FMN1: variants seen among roughly 807,000 people sequenced by gnomAD.
FMN1 encodes the protein formin 1.
A neutral mutation model predicts 132.4 loss-of-function variants in FMN1; 110 were observed. The ratio of observed to expected loss-of-function variants is 0.83; its 90% CI spans 0.71 to 0.97. The LOEUF (loss-of-function observed/expected upper bound fraction) is 0.97. Ranked by LOEUF, FMN1 falls within the 50% of genes least tolerant of loss-of-function variation. The pLI is 0.00. For missense variants in FMN1, 1,792 were observed against 1,705.3 expected (o/e 1.05, Z -0.90); for synonymous variants, 722 against 651.7 (o/e 1.11, Z -1.64).
intron 4 of FMN1, among the ~76,000 whole-genome samples, chr15:33,125,983 G>C (rs1454705797): frequency 6.7e-6 from 1 of 150,022 alleles, no homozygotes; most frequent in South Asian, 2.1e-4. Flanking sequence ...CACTAAGTTA[G>C]GAAAGTGGCT....
chr15:32,886,630 A>G (rs1022420494), intron 16 of FMN1, among the ~76,000 whole-genome samples: 1 of 152,178 alleles, frequency 6.6e-6, no homozygotes, highest in Non-Finnish European at 1.5e-5. Flanking sequence ...AAGATCAAAC[A>G]GGGATCAGGT....
At chr15:32,824,192 T>C (rs1189834995) in intron 17 of FMN1, among the ~76,000 whole-genome samples, 8 of 152,176 alleles carry the variant, frequency 5.3e-5, no homozygotes, top group Admixed American at 5.2e-4. Flanking sequence ...TCATGTTATT[T>C]AATAACTGTG....
intron 9 of FMN1, among the ~76,000 whole-genome samples, chr15:32,953,530 C>G (rs1425400654): frequency 1.3e-5 from 2 of 152,160 alleles, no homozygotes; most frequent in African/African-American, 4.8e-5. Flanking sequence ...GGAGGGAAAT[C>G]AGGTCAGGTC....
rs547205701 is a variant in FMN1 at position 32,820,017 on chromosome 15, G to A, written c.3929-15685C>T. On this transcript the variant is annotated intron_variant, in intron 17 of 20. Coordinates refer to ENST00000616417, the MANE Select transcript of FMN1 (RefSeq NM_001277313.2). Reference sequence around the variant, plus strand: ...GAATAATAAGTCCAGCTACATCAGTGTTAAACAAAATAATTACAGATATTT... The same window carrying A: ...GAATAATAAGTCCAGCTACATCAGTATTAAACAAAATAATTACAGATATTT... Among the ~76,000 whole-genome samples the A allele has an allele frequency of 2.6e-5, 4 of 152,274 alleles. No individual in the cohort carries two copies. The East Asian group carries it at 7.7e-4, about 29-fold the overall frequency.
Position 33,154,120 on chromosome 15 carries a change from T to C in FMN1, c.795A>G (p.Glu265=), listed in dbSNP as rs1002208474. ...TAFKDTGLGR[E]VLPPDCSSTE... Reference sequence around the variant, plus strand: ...TGGAGCTGCAGTCAGGGGGCAGCACTTCTCTTCCAAGCCCAGTGTCCTTGA... The same window carrying C: ...TGGAGCTGCAGTCAGGGGGCAGCACCTCTCTTCCAAGCCCAGTGTCCTTGA... The change falls in exon 4 of 21, where the codon GAA becomes GAG. Residue 265 remains glutamate, a synonymous_variant. Transcript: ENST00000616417. 4 of 1,536,256 alleles carry C rather than the reference T, an allele frequency of 2.6e-6. No homozygotes were observed. The East Asian group carries it at 9.8e-5, about 38-fold the overall frequency.
chr15:32,933,679 G>C (rs758587474), intron 9 of FMN1, among the ~76,000 whole-genome samples: 1 of 152,008 alleles, frequency 6.6e-6, no homozygotes, highest in African/African-American at 2.4e-5. Context: ...ATATCTTCCT[G>C]GTGAATTGAC....
At position 33,052,641 on chromosome 15, in the gene FMN1, C is replaced by T. The variant is rs74747332; in HGVS notation, c.2161+12316G>A. ...CACAATGATAGTGACAGGAGGCAGC[C>T]AAATACCTAGGCAGATAAGGGTGGA... On this transcript the variant is annotated intron_variant, in intron 6 of 20. Transcript: ENST00000616417. Among the ~76,000 whole-genome samples the T allele has an allele frequency of 7.2e-3, 1,096 of 152,214 alleles. 9 individuals are homozygous for T. The highest frequency in any genetic ancestry group is 0.025 in the African/African-American group (1,018 of 41,538).
At chr15:32,819,096 G>A (rs143994039) in intron 17 of FMN1, among the ~76,000 whole-genome samples, 113 of 152,276 alleles carry the variant, frequency 7.4e-4, no homozygotes, top group African/African-American at 2.6e-3. Flanking sequence ...GCGAAGGCAG[G>A]CAAGGCGAGC....
At chr15:33,093,020 A>G (rs1412841179) in intron 4 of FMN1, among the ~76,000 whole-genome samples, 1 of 152,230 alleles carries the variant, frequency 6.6e-6, no homozygotes, top group East Asian at 1.9e-4. Context: ...TACATATAAA[A>G]ATATACCAAT....
At chr15:33,162,977 T>C (rs1003939894) in intron 3 of FMN1, among the ~76,000 whole-genome samples, 9 of 152,072 alleles carry the variant, frequency 5.9e-5, no homozygotes, top group Admixed American at 5.9e-4. Context: ...ACTAGCTTGG[T>C]GTGGCTAATT....
chr15:33,067,700 C>G lies in FMN1; in HGVS notation c.2044-2626G>C, dbSNP rs374458166. On this transcript the variant is annotated intron_variant, in intron 5 of 20. Transcript: ENST00000616417. Reference sequence around the variant, plus strand: ...CTGAGATGTGGGATTCACGTCTAAACTATGGAATGCTTTCAGCACAGCATC... The same window carrying G: ...CTGAGATGTGGGATTCACGTCTAAAGTATGGAATGCTTTCAGCACAGCATC... 85 of 1,614,014 alleles carry G rather than the reference C, an allele frequency of 5.3e-5. No individual in the cohort carries two copies. In the African/African-American group the frequency reaches 1.1e-3, roughly 20 times the overall value.
intron 9 of FMN1, 114 bp downstream of exon 9, chr15:32,963,993 T>G (rs1158277556): frequency 6.5e-6 from 3 of 461,992 alleles, no homozygotes; most frequent in Non-Finnish European, 7.1e-6. Context: ...TATGTATAGG[T>G]ATGTGTGTGT....
intron 17 of FMN1, among the ~76,000 whole-genome samples, chr15:32,856,358 A>T (rs1296402752): frequency 6.6e-6 from 1 of 152,234 alleles, no homozygotes; most frequent in Non-Finnish European, 1.5e-5. Flanking sequence ...TCTAAAAGAC[A>T]TGATACTTCC....
intron 9 of FMN1, among the ~76,000 whole-genome samples, chr15:32,958,107 G>A (rs1283756258): frequency 6.6e-6 from 1 of 152,130 alleles, no homozygotes; most frequent in Non-Finnish European, 1.5e-5. Flanking sequence ...CCTTTTGCTG[G>A]AGTTACATAG....
rs145782895 is a variant in FMN1 at position 33,159,130 on chromosome 15, C to A, written c.-131-4085G>T. On this transcript the variant is annotated intron_variant, in intron 3 of 20. Transcript: ENST00000616417. Reference sequence around the variant, plus strand: ...CCAGGAGATCTAGGCTGCAGTGAGCCGAGATTGTGCCACTGCACTCCAGCG... The same window carrying A: ...CCAGGAGATCTAGGCTGCAGTGAGCAGAGATTGTGCCACTGCACTCCAGCG... 9.1e-3 allele frequency among the ~76,000 whole-genome samples: 1,381 copies of A among 152,110 alleles called. 22 individuals carry two copies. The highest frequency in any genetic ancestry group is 0.032 in the African/African-American group (1,318 of 41,502).
At chr15:33,074,255 A>C (rs1294519466) in intron 5 of FMN1, among the ~76,000 whole-genome samples, 1 of 152,224 alleles carries the variant, frequency 6.6e-6, no homozygotes, top group South Asian at 2.1e-4. Context: ...AATGGAGACA[A>C]CACCTTGCTT....
chr15:33,109,450 G>A (rs963923784), intron 4 of FMN1, among the ~76,000 whole-genome samples: 17 of 151,958 alleles, frequency 1.1e-4, no homozygotes, highest in African/African-American at 3.6e-4. Flanking sequence ...AATGTCAATC[G>A]ATGACAGATT....
chr15:32,992,167 A>G (rs2033474962), intron 7 of FMN1, among the ~76,000 whole-genome samples: 1 of 152,180 alleles, frequency 6.6e-6, no homozygotes, highest in Admixed American at 6.6e-5. Flanking sequence ...ATTGTTTTAT[A>G]GCAAAAGGAA....
At chr15:33,115,384 A>C (rs1287765175) in intron 4 of FMN1, among the ~76,000 whole-genome samples, 1 of 152,132 alleles carries the variant, frequency 6.6e-6, no homozygotes, top group Non-Finnish European at 1.5e-5. Context: ...AGAAGATGGC[A>C]TATTTTCAAC....
Sources: gnomAD v4.1 joint callset for allele counts (sites outside exome capture counted in the v4.1 genomes callset) on GRCh38, gnomAD v4.1.1 for gene constraint, MANE v1.5 for transcripts, NCBI Gene and HGNC (gene_info 2026-07-23, HGNC 2026-07-21) for gene names.